The following CDK14 variants were observed in gnomAD, a reference collection of about 807,000 sequenced individuals.
CDK14 encodes cyclin dependent kinase 14.
Under a neutral mutation model 60.7 loss-of-function variants are expected in CDK14, and 34 were observed. The ratio of observed to expected loss-of-function variants is 0.56; its 90% CI spans 0.43 to 0.75. The LOEUF (loss-of-function observed/expected upper bound fraction) is 0.75, where lower values mean the gene tolerates loss of function less well. CDK14 is among the 30% of genes least tolerant of loss of function. CDK14 has a pLI of 0.00. For missense variants in CDK14, 482 were observed against 564.1 expected, an observed-to-expected ratio of 0.85 and a Z score of 1.47; for synonymous variants, 197 against 203.7, an observed-to-expected ratio of 0.97 and a Z score of 0.28.
At chr7:91,198,629 T>A (rs1441138913) in intron 14 of CDK14, among the ~76,000 whole-genome samples, 2 of 152,202 alleles carry the variant, frequency 1.3e-5, no homozygotes, top group African/African-American at 4.8e-5. Context: ...CCAACATGAC[T>A]TCTGGTTCAT....
At chr7:91,172,896 T>G (rs1284489812) in intron 14 of CDK14, among the ~76,000 whole-genome samples, 1 of 152,234 alleles carries the variant, frequency 6.6e-6, no homozygotes, top group Non-Finnish European at 1.5e-5. Context: ...CCCATGAAAT[T>G]ATGAATTCCT....
intron 14 of CDK14, among the ~76,000 whole-genome samples, chr7:91,178,764 T>C: frequency 6.6e-6 from 1 of 151,176 alleles, no homozygotes; most frequent in Non-Finnish European, 1.5e-5. Context: ...TTAGATACCA[T>C]CTCACACCAG....
intron 5 of CDK14, among the ~76,000 whole-genome samples, chr7:90,808,555 CAACT>C (rs1788955756): frequency 2.0e-5 from 3 of 152,174 alleles, no homozygotes; most frequent in Admixed American, 2.0e-4. Flanking sequence ...GAAACTGCAT[CAACT>C]AACGAGCAAA....
intron 4 of CDK14, among the ~76,000 whole-genome samples, chr7:90,775,283 A>G (rs1804972414): frequency 6.6e-6 from 1 of 152,220 alleles, no homozygotes; most frequent in South Asian, 2.1e-4. Context: ...CTTTTAAAAC[A>G]GAAGATTAGG....
At chr7:91,132,139 C>T (rs1384197444) in intron 14 of CDK14, among the ~76,000 whole-genome samples, 3 of 152,022 alleles carry the variant, frequency 2.0e-5, no homozygotes, top group East Asian at 1.9e-4. Flanking sequence ...AGGATGATGA[C>T]GGGTACAGCA....
chr7:90,968,827 C>CAAA (rs3840667), intron 9 of CDK14, among the ~76,000 whole-genome samples: 214 of 148,228 alleles, frequency 1.4e-3, no homozygotes, highest in East Asian at 2.4e-3. Context: ...TAACAGAAAA[C>CAAA]AAAAAAAAAA....
intron 5 of CDK14, among the ~76,000 whole-genome samples, chr7:90,793,508 C>T (rs910229022): frequency 3.3e-5 from 5 of 152,074 alleles, no homozygotes; most frequent in African/African-American, 1.2e-4. Context: ...AGAAGTGTTC[C>T]AGACAGGTAT....
At chr7:90,935,775 G>A (rs998190980) in intron 8 of CDK14, among the ~76,000 whole-genome samples, 13 of 152,222 alleles carry the variant, frequency 8.5e-5, no homozygotes, top group South Asian at 2.1e-4. Flanking sequence ...TAGGCTGGCC[G>A]TGGTGCCTCT....
At chr7:90,665,004 A>G (rs1238607040) in intron 2 of CDK14, among the ~76,000 whole-genome samples, 1 of 152,124 alleles carries the variant, frequency 6.6e-6, no homozygotes, top group Non-Finnish European at 1.5e-5. Flanking sequence ...TCATTCGGCC[A>G]GGCAAGGTGG....
intron 12 of CDK14, among the ~76,000 whole-genome samples, chr7:91,084,347 C>T (rs1348187606): frequency 4.6e-5 from 7 of 152,216 alleles, no homozygotes; most frequent in African/African-American, 1.7e-4. Flanking sequence ...GCCTGACTTC[C>T]TCTGTCCTGG....
Position 90,662,574 on chromosome 7 carries a change from C to G in CDK14, c.123+58325C>G, listed in dbSNP as rs1800885617. On this transcript the variant is annotated intron_variant, in intron 2 of 14. Coordinates refer to ENST00000380050, the MANE Select transcript of CDK14 (RefSeq NM_001287135.2). Reference sequence around the variant, plus strand: ...AACCTTGGGCAGTTAGTTAACCTCTCTGTGCTTCACTTTCCTCCTTTGTAA... The same window carrying G: ...AACCTTGGGCAGTTAGTTAACCTCTGTGTGCTTCACTTTCCTCCTTTGTAA... Among the ~76,000 whole-genome samples the G allele has an allele frequency of 2.6e-5, 4 of 152,232 alleles. No individual in the cohort carries two copies. In the East Asian group the frequency reaches 7.7e-4, roughly 29 times the overall value.
At chr7:90,999,368 C>A (rs562753551) in intron 10 of CDK14, among the ~76,000 whole-genome samples, 1 of 151,584 alleles carries the variant, frequency 6.6e-6, no homozygotes, top group Admixed American at 6.6e-5. Flanking sequence ...GTGGGCAGAT[C>A]ATGAGGTCAG....
chr7:90,752,415 A>G (rs1327373460), intron 4 of CDK14, among the ~76,000 whole-genome samples: 1 of 152,310 alleles, frequency 6.6e-6, no homozygotes, highest in East Asian at 1.9e-4. Flanking sequence ...CCTCCTGAAT[A>G]ACTTTTGATT....
At chr7:90,879,681 C>T (rs1791677704) in intron 6 of CDK14, among the ~76,000 whole-genome samples, 2 of 152,038 alleles carry the variant, frequency 1.3e-5, no homozygotes, top group South Asian at 2.1e-4. Context: ...CAACATGGCA[C>T]ATGTATACCT....
intron 2 of CDK14, among the ~76,000 whole-genome samples, chr7:90,724,491 T>TTTA: frequency 6.8e-6 from 1 of 146,184 alleles, no homozygotes; most frequent in Admixed American, 6.8e-5. Flanking sequence ...TATTTATTTA[T>TTTA]TTTTTTTTTA....
intron 7 of CDK14, among the ~76,000 whole-genome samples, chr7:90,902,577 A>G (rs999283498): frequency 2.6e-5 from 4 of 152,074 alleles, no homozygotes; most frequent in African/African-American, 7.2e-5. Context: ...AACAAGACTT[A>G]TTTTTCACCG....
chr7:91,155,448 C>T (rs1177838286), intron 14 of CDK14, among the ~76,000 whole-genome samples: 2 of 152,124 alleles, frequency 1.3e-5, no homozygotes, highest in Non-Finnish European at 2.9e-5. Context: ...TCAAAACTTT[C>T]TTTGTGAATT....
intron 5 of CDK14, among the ~76,000 whole-genome samples, chr7:90,849,229 T>G (rs1790565650): frequency 1.3e-5 from 2 of 150,348 alleles, no homozygotes; most frequent in Non-Finnish European, 2.9e-5. Context: ...TCCTCTTGCT[T>G]CCCGAGCCCT....
At chr7:90,848,920 C>T (rs1790555398) in intron 5 of CDK14, among the ~76,000 whole-genome samples, 1 of 152,106 alleles carries the variant, frequency 6.6e-6, no homozygotes, top group East Asian at 1.9e-4. Flanking sequence ...TACGACCATC[C>T]ACAAATACCT....
Sources: allele counts gnomAD v4.1 joint callset (sites outside exome capture counted in the v4.1 genomes callset), GRCh38; gene constraint gnomAD v4.1.1; transcripts MANE v1.5; gene names NCBI Gene and HGNC (gene_info 2026-07-23, HGNC 2026-07-21).